GPC4: variants seen among roughly 807,000 people sequenced by gnomAD.
GPC4 encodes glypican-4.
In GPC4, 10 loss-of-function variants were observed where a neutral mutation model predicts 35.0. That is an observed-to-expected ratio of 0.29 (90% CI 0.18 to 0.48). GPC4 has a LOEUF of 0.48. GPC4 is among the 20% of genes least tolerant of loss of function. The pLI is 0.99. For synonymous variants in GPC4, 167 were observed against 170.2 expected (o/e 0.98, Z 0.15); for missense variants, 322 against 451.3 (o/e 0.71, Z 2.60).
chrX:133,395,674 A>AT (rs775451004), intron 1 of GPC4, among the ~76,000 whole-genome samples: 1 of 111,454 alleles, frequency 9.0e-6, no homozygotes, highest in Non-Finnish European at 1.9e-5. Flanking sequence ...AATGGTACGA[A>AT]TTTTTTTAAA....
intron 1 of GPC4, among the ~76,000 whole-genome samples, chrX:133,341,461 A>AG (rs1484989011): frequency 8.9e-6 from 1 of 112,258 alleles, no homozygotes; most frequent in East Asian, 2.8e-4. Flanking sequence ...AATTCATCAT[A>AG]GGATAGGCTG....
intron 1 of GPC4, among the ~76,000 whole-genome samples, chrX:133,360,543 A>AAAGAAG (rs757290861): frequency 9.0e-6 from 1 of 111,066 alleles, no homozygotes. Flanking sequence ...CGAAAAAAAA[A>AAAGAAG]AAGAAGAAGA....
intron 1 of GPC4, among the ~76,000 whole-genome samples, chrX:133,364,957 GT>G (rs1357047365): frequency 2.7e-5 from 3 of 111,876 alleles, no homozygotes; most frequent in Admixed American, 9.5e-5. Context: ...GCATGGGTGG[GT>G]AAAATGTCAT....
chrX:133,336,479 G>A (rs1170962706), intron 2 of GPC4, among the ~76,000 whole-genome samples: 1 of 111,092 alleles, frequency 9.0e-6, no homozygotes, highest in African/African-American at 3.3e-5. Flanking sequence ...AGGTTGCAGT[G>A]AGCCGAGATT....
chrX:133,365,158 A>AT (rs200917368), intron 1 of GPC4, among the ~76,000 whole-genome samples: 1,881 of 109,924 alleles, frequency 0.017, 18 homozygotes, highest in Middle Eastern at 0.061. Flanking sequence ...AAGCTTCTCA[A>AT]TTTTTTTTTC....
chrX:133,327,636 AGTGTGTGTGT>A (rs557359106), intron 2 of GPC4, among the ~76,000 whole-genome samples: 3,825 of 83,146 alleles, frequency 0.046, 75 homozygotes, highest in Middle Eastern at 0.084. Flanking sequence ...TGTCCAGGAA[AGTGTGTGTGT>A]GTGTGTGTGT....
intron 1 of GPC4, among the ~76,000 whole-genome samples, chrX:133,343,061 C>G (rs1241032504): frequency 9.0e-6 from 1 of 111,288 alleles, no homozygotes; most frequent in African/African-American, 3.3e-5. Context: ...ACGAGGACAA[C>G]AGAATAAAGA....
In GPC4 at chrX:133,305,837, G is replaced by A; in HGVS notation, c.1090C>T (p.Arg364Cys). The A allele has an allele frequency of 3.3e-6, 4 of 1,211,679 alleles. No homozygotes were observed. Among genetic ancestry groups the A allele is most frequent in the Non-Finnish European group, 4.5e-6 (4 of 895,446 alleles). The part of the protein sequence containing the change: ...RSISESAFSA[R>C]FRPHHPEERP... ...TCCTCGGGGTGATGTGGTCTGAAGC[G>A]AGCACTGAAGGCACTTTCAGAGATG... Residue 364 changes from arginine to cysteine, a missense_variant, in exon 6 of 9, where the codon CGC becomes TGC. Arg to Cys is a radical substitution (Grantham distance 180). Coordinates refer to ENST00000370828, the MANE Select transcript of GPC4 (RefSeq NM_001448.3).
chrX:133,409,689 C>A (rs1157717734), intron 1 of GPC4, among the ~76,000 whole-genome samples: 1 of 111,634 alleles, frequency 9.0e-6, no homozygotes, highest in Non-Finnish European at 1.9e-5. Flanking sequence ...AAGAAGTGGG[C>A]ACATAACCCT....
At chrX:133,308,085 C>T (rs2068298696) in intron 4 of GPC4, among the ~76,000 whole-genome samples, 1 of 112,091 alleles carries the variant, frequency 8.9e-6, no homozygotes, top group Non-Finnish European at 1.9e-5. Flanking sequence ...GCCCGGGAGC[C>T]AAAGCTGCCT....
chrX:133,378,598 A>G (rs2068646932), intron 1 of GPC4, among the ~76,000 whole-genome samples: 1 of 109,479 alleles, frequency 9.1e-6, no homozygotes, highest in African/African-American at 3.3e-5. Context: ...GAAAAAAAAA[A>G]AAAAAGAAAT....
intron 6 of GPC4, among the ~76,000 whole-genome samples, chrX:133,305,070 A>T (rs1348550901): frequency 8.9e-6 from 1 of 112,095 alleles, no homozygotes; most frequent in Non-Finnish European, 1.9e-5. Flanking sequence ...GCTCCAAAGG[A>T]GTGGCCTAGA....
intron 1 of GPC4, among the ~76,000 whole-genome samples, chrX:133,404,275 T>C (rs904432288): frequency 4.4e-4 from 48 of 109,326 alleles, no homozygotes; most frequent in African/African-American, 1.3e-3. Flanking sequence ...GGGCCAGGTG[T>C]GGTGGCTCAC....
intron 3 of GPC4, among the ~76,000 whole-genome samples, chrX:133,320,678 G>GGTA (rs1430785378): frequency 2.0e-5 from 2 of 101,235 alleles, no homozygotes; most frequent in Non-Finnish European, 4.0e-5. Context: ...ACAATACTAA[G>GGTA]GTAGACAGGG....
chrX:133,413,907 C>T (rs770429279), intron 1 of GPC4, among the ~76,000 whole-genome samples: 334 of 110,887 alleles, frequency 3.0e-3, no homozygotes, highest in African/African-American at 0.01. Flanking sequence ...CCCCCATACA[C>T]CCCCCATCCC....
At chrX:133,322,299 C>T (rs142405062) in intron 3 of GPC4, among the ~76,000 whole-genome samples, 10 of 110,930 alleles carry the variant, frequency 9.0e-5, no homozygotes, top group East Asian at 5.7e-4. Flanking sequence ...CAAAAATTAG[C>T]TGAGTGTGGT....
chrX:133,411,269 A>G (rs1335470868), intron 1 of GPC4, among the ~76,000 whole-genome samples: 1 of 112,137 alleles, frequency 8.9e-6, no homozygotes, highest in Non-Finnish European at 1.9e-5. Flanking sequence ...TCTGAGTATC[A>G]TTCAATGTCA....
chrX:133,398,588 G>A (rs1346009227), intron 1 of GPC4, among the ~76,000 whole-genome samples: 1 of 111,037 alleles, frequency 9.0e-6, no homozygotes, highest in East Asian at 2.8e-4. Context: ...GGCCAACATG[G>A]TAAAACCCTT....
intron 1 of GPC4, among the ~76,000 whole-genome samples, chrX:133,407,939 T>C (rs753661980): frequency 1.5e-4 from 17 of 112,692 alleles, no homozygotes; most frequent in African/African-American, 2.9e-4. Context: ...CTGGAGGTTA[T>C]TGACTTTTTT....
Sources: allele counts gnomAD v4.1 joint callset (sites outside exome capture counted in the v4.1 genomes callset), GRCh38; gene constraint gnomAD v4.1.1; transcripts MANE v1.5; gene names NCBI Gene and HGNC (gene_info 2026-07-23, HGNC 2026-07-21).